TMEM64: variants seen among roughly 807,000 people sequenced by gnomAD.
TMEM64 encodes the protein transmembrane protein 64.
Under a neutral mutation model 24.5 loss-of-function variants are expected in TMEM64, and 19 were observed. That is an observed-to-expected ratio of 0.78 (90% CI 0.54 to 1.14). TMEM64 has a LOEUF of 1.14. Among genes scored for constraint, TMEM64 ranks in the 50% most tolerant of loss-of-function variants. The pLI, the probability that TMEM64 is intolerant of heterozygous loss-of-function variation, is 0.00. For missense variants in TMEM64, 487 were observed against 493.0 expected (o/e 0.99, Z 0.12); for synonymous variants, 262 against 224.7 (o/e 1.17, Z -1.49).
chr8:90,641,312 G>A (rs974946505), intron 1 of TMEM64, among the ~76,000 whole-genome samples: 5 of 152,130 alleles, frequency 3.3e-5, no homozygotes, highest in Admixed American at 1.3e-4. Context: ...CACTATTTAC[G>A]GATGCTGAAG....
At chr8:90,630,791 A>G (rs987300083) in intron 2 of TMEM64, among the ~76,000 whole-genome samples, 2 of 152,228 alleles carry the variant, frequency 1.3e-5, no homozygotes, top group East Asian at 1.9e-4. Context: ...GTGAACTATC[A>G]TCATCATCTT....
At chr8:90,627,715 A>T (rs1361938852) in intron 2 of TMEM64, among the ~76,000 whole-genome samples, 1 of 152,204 alleles carries the variant, frequency 6.6e-6, no homozygotes, top group African/African-American at 2.4e-5. Flanking sequence ...TTTTCAGAGT[A>T]GGACTAGAAA....
intron 2 of TMEM64, among the ~76,000 whole-genome samples, chr8:90,629,840 G>C (rs1809412530): frequency 6.6e-6 from 1 of 151,846 alleles, no homozygotes; most frequent in Non-Finnish European, 1.5e-5. Flanking sequence ...GCTTTATTTA[G>C]GCAATATTTC....
Position 90,645,252 on chromosome 8 carries a change from G to T in TMEM64, c.654C>A (p.Thr218=). Reference sequence around the variant, plus strand: ...TCTGGATCCTGGCGGCCACCCAGGCGGTGAGGAGCCGCTTGCAGACCACAT... The same window carrying T: ...TCTGGATCCTGGCGGCCACCCAGGCTGTGAGGAGCCGCTTGCAGACCACAT... ...IAHVVCKRLL[T]AWVAARIQSS... is the part of the protein sequence containing the mutation. Residue 218 remains threonine, a synonymous_variant, in exon 1 of 3, where the codon ACC becomes ACA. Coordinates refer to ENST00000458549, the MANE Select transcript of TMEM64 (RefSeq NM_001008495.4). The surrounding 1 kb of genome is among the most constrained non-coding windows in gnomAD (Gnocchi z 4.2). 6.2e-7 allele frequency: 1 copy of T among 1,613,096 alleles called. No individual in the cohort carries two copies. The highest frequency in any genetic ancestry group is 8.5e-7 in the Non-Finnish European group (1 of 1,179,528).
chr8:90,640,371 A>G (rs1809586843), intron 1 of TMEM64, among the ~76,000 whole-genome samples: 1 of 152,194 alleles, frequency 6.6e-6, no homozygotes, highest in African/African-American at 2.4e-5. Flanking sequence ...AACTCAAGAA[A>G]ATGAGAAAAT....
chr8:90,645,139 G>T lies in TMEM64; in HGVS notation c.767C>A (p.Pro256His), dbSNP rs144669410. The T allele has an allele frequency of 4.8e-5, 77 of 1,612,356 alleles. No individual in the cohort carries two copies. The East Asian group carries it at 1.5e-3, about 32-fold the overall frequency. The change falls in exon 1 of 3, where the codon CCT becomes CAT. Residue 256 changes from proline to histidine, a missense_variant. By Grantham distance (77) the Pro-to-His change is moderately conservative. Around this residue, in one of 3 missense-constraint regions of TMEM64, gnomAD observed 419 missense variants for 407.5 expected, o/e 1.03. Transcript: ENST00000458549. The surrounding 1 kb of genome is among the most constrained non-coding windows in gnomAD (Gnocchi z 4.2). The stretch of plus-strand genomic sequence containing the variant: ...AAACACTGCATTCTGAAGCCCAAAA[G>T]GTATGGGTGTCAGTCTGGCCAGCGC... ...VVALARLTPI[P>H]FGLQNAVFSI...
chr8:90,628,319 G>C (rs1415636412), intron 2 of TMEM64, among the ~76,000 whole-genome samples: 1 of 152,144 alleles, frequency 6.6e-6, no homozygotes, highest in Non-Finnish European at 1.5e-5. Flanking sequence ...GCAAATTCAG[G>C]GGTTTCTCAG....
intron 2 of TMEM64, among the ~76,000 whole-genome samples, chr8:90,626,897 G>C (rs1809368739): frequency 6.6e-6 from 1 of 152,014 alleles, no homozygotes; most frequent in Non-Finnish European, 1.5e-5. Context: ...CAAAGTGCTG[G>C]GATTACAGGC....
At chr8:90,639,860 T>C (rs1809577544) in intron 1 of TMEM64, among the ~76,000 whole-genome samples, 2 of 152,184 alleles carry the variant, frequency 1.3e-5, no homozygotes, top group Admixed American at 6.5e-5. Flanking sequence ...AATAACCTCG[T>C]TGCTTTTAAA....
chr8:90,644,615 C>G (rs77625681), intron 1 of TMEM64, among the ~76,000 whole-genome samples: 4,994 of 152,288 alleles, frequency 0.033, 291 homozygotes, highest in African/African-American at 0.11. Flanking sequence ...GAAGAAAAAG[C>G]CCATTTCAAA....
chr8:90,631,008 C>A (rs1390217077), intron 2 of TMEM64, among the ~76,000 whole-genome samples: 1 of 152,108 alleles, frequency 6.6e-6, no homozygotes, highest in Non-Finnish European at 1.5e-5. Context: ...AATAATAATC[C>A]ATTATACAAG....
intron 1 of TMEM64, among the ~76,000 whole-genome samples, chr8:90,642,710 G>A (rs1303525786): frequency 6.6e-6 from 1 of 152,056 alleles, no homozygotes; most frequent in Non-Finnish European, 1.5e-5. Flanking sequence ...GTATAAACAG[G>A]ACATAACAGA....
At chr8:90,638,812 A>C (rs972918224) in intron 1 of TMEM64, among the ~76,000 whole-genome samples, 1 of 152,176 alleles carries the variant, frequency 6.6e-6, no homozygotes, top group African/African-American at 2.4e-5. Flanking sequence ...CACACAGAAA[A>C]AATGTTATAA....
chr8:90,629,513 A>G (rs1809408744), intron 2 of TMEM64, among the ~76,000 whole-genome samples: 1 of 151,964 alleles, frequency 6.6e-6, no homozygotes, highest in Admixed American at 6.6e-5. Flanking sequence ...GGAAACTACA[A>G]AAAAAATGCT....
Position 90,640,843 on chromosome 8 carries a change from T to C in TMEM64, c.795+4268A>G, listed in dbSNP as rs1809593753. Among the ~76,000 whole-genome samples, 4 of 152,240 alleles carry C rather than the reference T, an allele frequency of 2.6e-5. No homozygotes were observed. In the South Asian group the frequency reaches 8.3e-4, roughly 32 times the overall value. On this transcript the variant is annotated intron_variant, in intron 1 of 2. Transcript: ENST00000458549. ...CCCCGGCTCCCTCCAAAACAAAGAATCTATTTGTTGCTTCAAACCTATGGT... is the reference window on the plus strand; with the variant it reads ...CCCCGGCTCCCTCCAAAACAAAGAACCTATTTGTTGCTTCAAACCTATGGT...
intron 1 of TMEM64, among the ~76,000 whole-genome samples, chr8:90,633,752 G>C (rs867295677): frequency 2.6e-5 from 4 of 151,944 alleles, no homozygotes; most frequent in Non-Finnish European, 2.9e-5. Context: ...TCATTAATCT[G>C]TACTATTTTA....
rs1255128162 is a variant in TMEM64, at chr8:90,645,687, G to A, written c.219C>T (p.His73=). ...GALLGAYLER[H]GPPEASELPE... ...GCAGCTCCGAAGCCTCGGGCGGACCGTGGCGCTCCAGATAGGCGCCGAGCA... is the reference window on the plus strand; with the variant it reads ...GCAGCTCCGAAGCCTCGGGCGGACCATGGCGCTCCAGATAGGCGCCGAGCA... The change falls in exon 1 of 3, where the codon CAC becomes CAT. Residue 73 remains histidine (H), a synonymous_variant. Transcript: ENST00000458549. This position sits in a 1 kb window ranked among gnomAD's most constrained non-coding sequence, Gnocchi z 4.2. 1.3e-5 allele frequency: 19 copies of A among 1,475,412 alleles called. No homozygotes were observed. In the African/African-American group the frequency reaches 2.6e-4, roughly 20 times the overall value. The allele number at this position is 1,475,412 out of a possible 1,614,324, so 91.4% of individuals were successfully genotyped here. A position where few individuals can be genotyped will look rare whatever the true frequency, so the allele number is the denominator to read the frequency against.
chr8:90,625,262 A>T lies in TMEM64; in HGVS notation c.*409T>A, dbSNP rs1809339289. The T allele has an allele frequency of 6.5e-6, 1 of 153,852 alleles. No individual in the cohort carries two copies. Among genetic ancestry groups the T allele is most frequent in the Admixed American group, 6.5e-5 (1 of 15,412 alleles). The allele number at this position is 153,852 out of a possible 1,614,324, so 9.5% of individuals were successfully genotyped here. A position where few individuals can be genotyped will look rare whatever the true frequency, so the allele number is the denominator to read the frequency against. ...AGACTACCAAAGCAAAGAACATCCA[A>T]TAATATTATAAATTTAAAACTGCAT... On this transcript the variant is annotated 3_prime_UTR_variant, in exon 3 of 3. Transcript: ENST00000458549.
Position 90,645,295 on chromosome 8 carries a change from A to G in TMEM64, c.611T>C (p.Ile204Thr). The change falls in exon 1 of 3, where the codon ATC becomes ACC. Residue 204 changes from isoleucine to threonine, a missense_variant. By Grantham distance (89) the Ile-to-Thr change is moderately conservative. Coordinates refer to ENST00000458549, the MANE Select transcript of TMEM64 (RefSeq NM_001008495.4). This position sits in a 1 kb window ranked among gnomAD's most constrained non-coding sequence, Gnocchi z 4.2. Reference sequence around the variant, plus strand: ...GACCACATGGGCGATGAAGGTGCCGATGAGGACGCCCACCATCATCAGACC... The same window carrying G: ...GACCACATGGGCGATGAAGGTGCCGGTGAGGACGCCCACCATCATCAGACC... ...GMGLMMVGVL[I>T]GTFIAHVVCK... 1 of 1,592,110 alleles carries G rather than the reference A, an allele frequency of 6.3e-7. No individual in the cohort carries two copies. The highest frequency in any genetic ancestry group is 8.6e-7 in the Non-Finnish European group (1 of 1,168,968).
Sources: allele counts gnomAD v4.1 joint callset (sites outside exome capture counted in the v4.1 genomes callset), GRCh38; gene constraint gnomAD v4.1.1; regional missense constraint gnomAD v4.1.1; non-coding constraint Gnocchi (gnomAD v3.1); transcripts MANE v1.5; gene names NCBI Gene and HGNC (gene_info 2026-07-23, HGNC 2026-07-21).